The following MAF variants were observed in gnomAD, a reference collection of about 807,000 sequenced individuals.
MAF encodes the protein transcription factor Maf.
In MAF, 10 loss-of-function variants were observed where a neutral mutation model predicts 22.0. That is an observed-to-expected ratio of 0.45 (90% CI 0.28 to 0.77). The LOEUF (loss-of-function observed/expected upper bound fraction) is 0.77. Among genes scored for constraint, MAF ranks in the 30% least tolerant of loss-of-function variants. The pLI, the probability that MAF is intolerant of heterozygous loss-of-function variation, is 0.12. For missense variants in MAF, 544 were observed against 548.4 expected, an observed-to-expected ratio of 0.99 and a Z score of 0.08; for synonymous variants, 337 against 255.8, an observed-to-expected ratio of 1.32 and a Z score of -3.03.
downstream of MAF, among the ~76,000 whole-genome samples, chr16:79,592,062 A>G (rs1444470190): frequency 6.6e-6 from 1 of 152,206 alleles, no homozygotes; most frequent in East Asian, 1.9e-4. Context: ...TCAGACTGGT[A>G]ACAGGGATTA....
At chr16:79,596,750 A>AT (rs1263731040) in intron 1 of MAF, 104 of 1,040,640 alleles carry the variant, frequency 1.0e-4, no homozygotes, top group Middle Eastern at 4.5e-4. Flanking sequence ...AAAACTGTGG[A>AT]TTTTTTTTTA....
the MAF span, among the ~76,000 whole-genome samples, chr16:79,562,422 C>A: frequency 6.6e-6 from 1 of 152,336 alleles, no homozygotes; most frequent in East Asian, 1.9e-4. Flanking sequence ...GGCAAGTGAA[C>A]TCCCTCACCA....
the MAF span, among the ~76,000 whole-genome samples, chr16:79,296,461 CA>C: frequency 6.6e-6 from 1 of 152,062 alleles, no homozygotes; most frequent in Non-Finnish European, 1.5e-5. Context: ...AGCAAACTAC[CA>C]TGGCATATGT....
At chr16:79,289,324 A>G in the MAF span, among the ~76,000 whole-genome samples, 3 of 151,550 alleles carry the variant, frequency 2.0e-5, no homozygotes, top group African/African-American at 7.3e-5. Context: ...TAGAGAGGAG[A>G]TGGGGGAAAT....
chr16:79,565,138 A>C, the MAF span, among the ~76,000 whole-genome samples: 1 of 152,198 alleles, frequency 6.6e-6, no homozygotes, highest in East Asian at 1.9e-4. Context: ...TTCAGAGCCA[A>C]ATTTTCTGCT....
chr16:79,547,800 A>G, the MAF span, among the ~76,000 whole-genome samples: 27 of 152,020 alleles, frequency 1.8e-4, no homozygotes, highest in Non-Finnish European at 3.4e-4. Flanking sequence ...TTTGTCTACA[A>G]TTGATCTTTT....
At chr16:79,228,161 C>T in the MAF span, among the ~76,000 whole-genome samples, 2 of 152,036 alleles carry the variant, frequency 1.3e-5, no homozygotes, top group Admixed American at 1.3e-4. Context: ...CTTCTGCCTC[C>T]CAAAGGGAGG....
At chr16:79,435,832 G>T in the MAF span, among the ~76,000 whole-genome samples, 3 of 152,124 alleles carry the variant, frequency 2.0e-5, no homozygotes, top group African/African-American at 7.2e-5. Flanking sequence ...ACTTGAACTC[G>T]AACAAAGGCT....
the MAF span, among the ~76,000 whole-genome samples, chr16:79,325,672 G>C: frequency 3.3e-5 from 5 of 151,810 alleles, no homozygotes; most frequent in African/African-American, 1.2e-4. Context: ...TTAAAAACTA[G>C]AAGAACAAAG....
chr16:79,549,718 C>T, the MAF span, among the ~76,000 whole-genome samples: 30,204 of 152,078 alleles, frequency 0.2, 3,573 homozygotes, highest in Non-Finnish European at 0.28. Context: ...TCTAAAAAAG[C>T]GCCCTGGAAG....
At chr16:79,301,773 T>C in the MAF span, among the ~76,000 whole-genome samples, 6 of 152,198 alleles carry the variant, frequency 3.9e-5, no homozygotes, top group Admixed American at 1.3e-4. Flanking sequence ...ATTGAGCACT[T>C]ACTGTGCTCT....
chr16:79,312,335 A>C, the MAF span, among the ~76,000 whole-genome samples: 2 of 152,342 alleles, frequency 1.3e-5, no homozygotes, highest in East Asian at 1.9e-4. Flanking sequence ...TTGATGGGTC[A>C]CTGCAAGCAT....
At chr16:79,546,143 G>C in the MAF span, among the ~76,000 whole-genome samples, 3 of 152,068 alleles carry the variant, frequency 2.0e-5, no homozygotes, top group South Asian at 6.2e-4. Context: ...TAAAGAGATG[G>C]GATGAACTTT....
the MAF span, among the ~76,000 whole-genome samples, chr16:79,569,073 G>A: frequency 3.9e-5 from 6 of 152,224 alleles, no homozygotes; most frequent in Middle Eastern, 3.4e-3. Context: ...TCATTCATTC[G>A]TAGCAACAAT....
chr16:79,314,947 G>A, the MAF span, among the ~76,000 whole-genome samples: 3 of 152,216 alleles, frequency 2.0e-5, no homozygotes, highest in Non-Finnish European at 4.4e-5. Flanking sequence ...CAAGGAGGAA[G>A]CAAAATCAAT....
chr16:79,568,029 C>G, the MAF span, among the ~76,000 whole-genome samples: 2 of 152,170 alleles, frequency 1.3e-5, no homozygotes, highest in Non-Finnish European at 2.9e-5. Context: ...AATAAATAAG[C>G]TGCATCTTTA....
the MAF span, among the ~76,000 whole-genome samples, chr16:79,322,651 G>A: frequency 6.6e-6 from 1 of 152,124 alleles, no homozygotes; most frequent in Admixed American, 6.5e-5. Context: ...CAATTGCATG[G>A]TGCTAAGGTC....
the MAF span, among the ~76,000 whole-genome samples, chr16:79,287,022 G>A: frequency 6.6e-6 from 1 of 152,046 alleles, no homozygotes; most frequent in Non-Finnish European, 1.5e-5. Flanking sequence ...TCCCCTTCGC[G>A]TTATGTCAGC....
the MAF span, among the ~76,000 whole-genome samples, chr16:79,304,773 T>C: frequency 6.6e-6 from 1 of 152,206 alleles, no homozygotes; most frequent in Non-Finnish European, 1.5e-5. Flanking sequence ...ACTAAATGAT[T>C]ATTGCTGTGT....
Sources: allele counts gnomAD v4.1 joint callset (sites outside exome capture counted in the v4.1 genomes callset), GRCh38; gene constraint gnomAD v4.1.1; transcripts MANE v1.5; gene names NCBI Gene and HGNC (gene_info 2026-07-23, HGNC 2026-07-21).